The following ARID1A variants were observed in gnomAD, a reference collection of about 807,000 sequenced individuals.
ARID1A encodes AT-rich interactive domain-containing protein 1A.
In ARID1A, 20 loss-of-function variants were observed where a neutral mutation model predicts 212.6. That is an observed-to-expected ratio of 0.09 (90% CI 0.07 to 0.14). The LOEUF (loss-of-function observed/expected upper bound fraction) is 0.14, where lower values mean the gene tolerates loss of function less well. Ranked by LOEUF, ARID1A falls within the 10% of genes least tolerant of loss-of-function variation. The probability of loss-of-function intolerance (pLI) is 1.00; values close to 1 mark genes in which losing one functional copy is unlikely to be tolerated. For synonymous variants in ARID1A, 1,376 were observed against 1,222.1 expected (o/e 1.13, Z -2.63); for missense variants, 2,587 against 3,059.0 (o/e 0.85, Z 3.64).
At chr1:26,715,049 G>A (rs983737716) in intron 1 of ARID1A, among the ~76,000 whole-genome samples, 5 of 152,246 alleles carry the variant, frequency 3.3e-5, no homozygotes, top group African/African-American at 9.6e-5. Flanking sequence ...GAAATTTAGC[G>A]TCTTTTTTGT....
rs761906554 is a variant in ARID1A at position 26,774,946 on chromosome 1, G to T, written c.4719G>T (p.Gln1573His). 2 of 1,501,546 alleles carry T rather than the reference G, an allele frequency of 1.3e-6. No individual in the cohort carries two copies. The highest frequency in any genetic ancestry group is 1.7e-5 in the African/African-American group (1 of 59,312). The allele number at this position is 1,501,546 out of a possible 1,614,324, so 93.0% of individuals were successfully genotyped here. ...PMTRPPPSNY[Q>H]PPPSMQNHIP... is the part of the protein sequence containing the mutation. ...CAAGGCCCCCTCCATCTAACTACCA[G>T]CCCCCACCAAGCATGCAGAATCACA... The change falls in exon 18 of 20, where the codon CAG becomes CAT. Residue 1573 changes from glutamine to histidine, a missense_variant. By Grantham distance (24) the Gln-to-His change is conservative (BLOSUM62 0). Around this residue, in one of 11 missense-constraint regions of ARID1A, gnomAD observed 890 missense variants for 1,098.2 expected, o/e 0.81. Coordinates refer to ENST00000324856, the MANE Select transcript of ARID1A (RefSeq NM_006015.6). This position sits in a 1 kb window ranked among gnomAD's most constrained non-coding sequence, Gnocchi z 5.6.
rs2080254759 is a variant in ARID1A at position 26,696,504 on chromosome 1, AGGCGGGGGGCGAGGC to A, written c.107_121del (p.Gly36_Ala40del). ...AAAGCCGAGCAGCAGCAGCGGGAGG[AGGCGGGGGGCGAGGC>A]GGCGGCGGCGGCAGCGGCCGAGCGC... On this transcript the variant is annotated inframe_deletion, in exon 1 of 20. Transcript: ENST00000324856. The A allele has an allele frequency of 8.2e-7, 1 of 1,226,650 alleles. No individual in the cohort carries two copies. The highest frequency in any genetic ancestry group is 1.6e-5 in the African/African-American group (1 of 62,552). 76.0% of individuals were successfully genotyped at this position (1,226,650 alleles called of 1,614,324 possible).
At chr1:26,717,469 TTCTC>T (rs1349426470) in intron 1 of ARID1A, among the ~76,000 whole-genome samples, 1 of 152,240 alleles carries the variant, frequency 6.6e-6, no homozygotes, top group East Asian at 1.9e-4. Context: ...TTTTTTTTCT[TTCTC>T]AAAAAGTACA....
chr1:26,698,090 C>T (rs1374925236), intron 1 of ARID1A, among the ~76,000 whole-genome samples: 1 of 152,212 alleles, frequency 6.6e-6, no homozygotes. Flanking sequence ...CTAGGGCAGC[C>T]CGGTCCATCT....
At chr1:26,729,963 C>T in intron 2 of ARID1A, 100 bp downstream of exon 2, 1 of 1,399,642 alleles carries the variant, frequency 7.1e-7, no homozygotes, top group Non-Finnish European at 9.9e-7. Context: ...AGCCTCTTGA[C>T]AGGAATGTAG....
chr1:26,697,027 C>A lies in ARID1A; in HGVS notation c.624C>A (p.Pro208=), dbSNP rs770301214. The change falls in exon 1 of 20, where the codon CCC becomes CCA. Residue 208 remains proline, a synonymous_variant. Coordinates refer to ENST00000324856, the MANE Select transcript of ARID1A (RefSeq NM_006015.6). ...PQQNSHDHGF[P]NHQYNSYYPN... is the part of the protein sequence containing the mutation. ...AGAACTCTCACGACCACGGCTTCCC[C>A]AACCACCAGTACAACTCCTACTACC... 3 of 1,538,464 alleles carry A rather than the reference C, an allele frequency of 1.9e-6. No homozygotes were observed. The highest frequency in any genetic ancestry group is 2.6e-6 in the Non-Finnish European group (3 of 1,146,428).
chr1:26,736,322 C>CA (rs1159133678), intron 4 of ARID1A, among the ~76,000 whole-genome samples: 1,692 of 52,228 alleles, frequency 0.032, 65 homozygotes, highest in African/African-American at 0.082. Flanking sequence ...AACTCCATCT[C>CA]AAAAAAAAAA....
intron 14 of ARID1A, 147 bp downstream of exon 14, chr1:26,773,134 A>G (rs1014953556): frequency 1.6e-4 from 201 of 1,277,274 alleles, no homozygotes; most frequent in Middle Eastern, 6.9e-4. Context: ...CTTCATCCTT[A>G]CCTCCTTTCT....
At chr1:26,733,783 T>A (rs1250580861) in intron 4 of ARID1A, among the ~76,000 whole-genome samples, 2 of 152,208 alleles carry the variant, frequency 1.3e-5, no homozygotes, top group Non-Finnish European at 2.9e-5. Context: ...CATACCCAGA[T>A]AAGAATCTTT....
intron 1 of ARID1A, among the ~76,000 whole-genome samples, chr1:26,699,108 G>A (rs1207463829): frequency 2.0e-5 from 3 of 152,146 alleles, no homozygotes; most frequent in African/African-American, 2.4e-5. Context: ...TTTGTCATCA[G>A]TCATTTTAGA....
chr1:26,705,451 TC>T (rs61242310), intron 1 of ARID1A, among the ~76,000 whole-genome samples: 12,369 of 143,288 alleles, frequency 0.086, 556 homozygotes, highest in African/African-American at 0.11. Flanking sequence ...TTTTTTTTTT[TC>T]CCCCCCCCTC....
intron 4 of ARID1A, among the ~76,000 whole-genome samples, chr1:26,742,646 G>A (rs955070083): frequency 6.6e-6 from 1 of 152,174 alleles, no homozygotes. Flanking sequence ...CAGAGACCCT[G>A]AGAGCTGAGA....
intron 6 of ARID1A, 59 bp from the exon 7 acceptor site, chr1:26,762,093 G>A (rs2080997534): frequency 6.7e-7 from 1 of 1,490,288 alleles, no homozygotes; most frequent in African/African-American, 1.4e-5. Flanking sequence ...GATAAGGATG[G>A]AGAGCATTTG....
At position 26,773,608 on chromosome 1, in the gene ARID1A, A is replaced by G. The variant is rs2124112669; in HGVS notation, c.3895A>G (p.Asn1299Asp). ...RTEPGIGPEG[N>D]MSTGAPQPNL... ...GGAGCCTGGAATAGGGCCTGAGGGA[A>G]ACATGAGCACTGGGGCCCCACAGCC... Residue 1299 changes from asparagine to aspartate, a missense_variant, in exon 16 of 20, where the codon AAC becomes GAC. Asn to Asp is a conservative substitution (Grantham distance 23, BLOSUM62 1). Around this residue, in one of 11 missense-constraint regions of ARID1A, gnomAD observed 890 missense variants for 1,098.2 expected, o/e 0.81. Transcript: ENST00000324856. The G allele has an allele frequency of 6.2e-7, 1 of 1,614,176 alleles. No homozygotes were observed. Among genetic ancestry groups the G allele is most frequent in the East Asian group, 2.2e-5 (1 of 44,890 alleles).
rs1570613584 is a variant in ARID1A at position 26,772,583 on chromosome 1, A to C, written c.3490A>C (p.Thr1164Pro). 1 of 1,613,950 alleles carries C rather than the reference A, an allele frequency of 6.2e-7. No homozygotes were observed. The highest frequency in any genetic ancestry group is 1.3e-5 in the African/African-American group (1 of 74,850). ...AGAAGGAGGAGACTTAAAGCCACCAACTCCAGCATCCACACCACACAGTCA... is the reference window on the plus strand; with the variant it reads ...AGAAGGAGGAGACTTAAAGCCACCACCTCCAGCATCCACACCACACAGTCA... ...MAEGGDLKPP[T>P]PASTPHSQIP... The change falls in exon 13 of 20, where the codon ACT becomes CCT. Residue 1164 changes from threonine to proline, a missense_variant. By Grantham distance (38) the Thr-to-Pro change is conservative. Around this residue, in one of 11 missense-constraint regions of ARID1A, gnomAD observed 890 missense variants for 1,098.2 expected, o/e 0.81. Transcript: ENST00000324856.
chr1:26,736,971 A>T (rs543687832), intron 4 of ARID1A, among the ~76,000 whole-genome samples: 48 of 152,048 alleles, frequency 3.2e-4, no homozygotes, highest in South Asian at 1.0e-3. Context: ...ACAGTTCAGT[A>T]CCTGAGTACC....
At chr1:26,717,859 T>A (rs533021112) in intron 1 of ARID1A, among the ~76,000 whole-genome samples, 1 of 152,202 alleles carries the variant, frequency 6.6e-6, no homozygotes, top group East Asian at 1.9e-4. Flanking sequence ...TATACTAATA[T>A]CTGGGTGAAG....
intron 4 of ARID1A, among the ~76,000 whole-genome samples, chr1:26,744,526 G>A (rs1036607908): frequency 6.6e-6 from 1 of 152,158 alleles, no homozygotes; most frequent in Non-Finnish European, 1.5e-5. Flanking sequence ...TTTTCAGTTT[G>A]TCGTCAGCCC....
rs878886611 is a variant in ARID1A at position 26,696,181 on chromosome 1, G to GGCCGCC, written c.-213_-208dup. 12 of 613,694 alleles carry GGCCGCC rather than the reference G, an allele frequency of 2.0e-5. No homozygotes were observed. Among genetic ancestry groups the GGCCGCC allele is most frequent in the African/African-American group, 1.4e-4 (7 of 51,264 alleles). The allele number at this position is 613,694 out of a possible 1,614,324, so 38.0% of individuals were successfully genotyped here. A position where few individuals can be genotyped will look rare whatever the true frequency, so the allele number is the denominator to read the frequency against. On this transcript the variant is annotated 5_prime_UTR_variant, in exon 1 of 20. Transcript: ENST00000324856. Reference sequence around the variant, plus strand: ...GGAGCAGCTGAGCCGCCGGCGCCTCGGCCGCCGCCGCCGCCTCCTCCTCCT... The same window carrying GGCCGCC: ...GGAGCAGCTGAGCCGCCGGCGCCTCGGCCGCCGCCGCCGCCGCCGCCTCCTCCTCCT...
Sources: allele counts gnomAD v4.1 joint callset (sites outside exome capture counted in the v4.1 genomes callset), GRCh38; gene constraint gnomAD v4.1.1; regional missense constraint gnomAD v4.1.1; non-coding constraint Gnocchi (gnomAD v3.1); transcripts MANE v1.5; gene names NCBI Gene and HGNC (gene_info 2026-07-23, HGNC 2026-07-21).